The following GRIP1 variants were observed in gnomAD, a reference collection of about 807,000 sequenced individuals.
GRIP1 encodes the protein glutamate receptor interacting protein 1.
In GRIP1, 45 loss-of-function variants were observed where a neutral mutation model predicts 129.9. The ratio of observed to expected loss-of-function variants is 0.35; its 90% CI spans 0.27 to 0.44. GRIP1 has a LOEUF of 0.44. GRIP1 is among the 20% of genes least tolerant of loss of function. The pLI is 1.00. For missense variants in GRIP1, 1,196 were observed against 1,396.8 expected, an observed-to-expected ratio of 0.86 and a Z score of 2.29; for synonymous variants, 530 against 520.8, an observed-to-expected ratio of 1.02 and a Z score of -0.24.
chr12:66,507,834 G>A (rs964191347), intron 7 of GRIP1, among the ~76,000 whole-genome samples: 2 of 151,970 alleles, frequency 1.3e-5, no homozygotes, highest in African/African-American at 4.8e-5. Context: ...GCAGTGGTGT[G>A]ATCATAATTC....
intron 1 of GRIP1, among the ~76,000 whole-genome samples, chr12:67,067,540 G>C (rs998047294): frequency 6.6e-6 from 1 of 152,082 alleles, no homozygotes; most frequent in African/African-American, 2.4e-5. Flanking sequence ...CTAAAGCAGG[G>C]GTGCCTTTTG....
At chr12:66,691,245 C>T (rs1178906264) in intron 1 of GRIP1, among the ~76,000 whole-genome samples, 1 of 152,132 alleles carries the variant, frequency 6.6e-6, no homozygotes, top group Non-Finnish European at 1.5e-5. Context: ...AGGAATGTGC[C>T]TTCAGTCATT....
chr12:66,430,874 T>C (rs565898593), intron 14 of GRIP1, among the ~76,000 whole-genome samples: 1 of 152,250 alleles, frequency 6.6e-6, no homozygotes, highest in South Asian at 2.1e-4. Flanking sequence ...GGACAGGGTG[T>C]ATATTCTTAA....
chr12:66,707,629 G>C (rs1402062696), intron 1 of GRIP1, among the ~76,000 whole-genome samples: 1 of 150,976 alleles, frequency 6.6e-6, no homozygotes, highest in South Asian at 2.1e-4. Flanking sequence ...AAGATTTTTT[G>C]CAAGTGGGGG....
chr12:66,994,700 G>A (rs190662238), intron 1 of GRIP1, among the ~76,000 whole-genome samples: 4 of 152,030 alleles, frequency 2.6e-5, no homozygotes, highest in Admixed American at 6.5e-5. Flanking sequence ...AATGAACAAA[G>A]ATCTAAAAAA....
At position 66,444,573 on chromosome 12, in the gene GRIP1, T is replaced by C; in HGVS notation, c.1687+11A>G. The C allele has an allele frequency of 5.0e-6, 8 of 1,610,840 alleles. No homozygotes were observed. The highest frequency in any genetic ancestry group is 6.8e-6 in the Non-Finnish European group (8 of 1,177,436). ...CACATGCAGTCCACTCCTGAGATGA[T>C]ATGATTATACCTGCAACATCAAACT... On this transcript the variant is annotated intron_variant, in intron 13 of 24. Coordinates refer to ENST00000359742, the MANE Select transcript of GRIP1 (RefSeq NM_001366722.1).
In GRIP1 at chr12:66,371,753, T is replaced by C. The variant is rs200880676; in HGVS notation, c.2953A>G (p.Arg985Gly). The change falls in exon 23 of 25, where the codon AGA becomes GGA. Residue 985 changes from arginine to glycine, a missense_variant. Arg to Gly is a moderately radical substitution (Grantham distance 125, BLOSUM62 -2). This residue lies in a region of GRIP1 where 427 missense variants were observed against 463.3 expected (regional missense o/e 0.92). Transcript: ENST00000359742. ...TCCTTTATTTCTTGTTTCATTTTTC[T>C]CAGGGTTACTGACTTCCTACCCACA... The part of the protein sequence containing the change: ...SDVGRKSVTL[R>G]KMKQEIKEIM... 3.1e-6 allele frequency: 5 copies of C among 1,614,170 alleles called. No individual in the cohort carries two copies. The highest frequency in any genetic ancestry group is 3.4e-6 in the Non-Finnish European group (4 of 1,179,990).
At chr12:66,875,455 T>C (rs1437870834) in intron 1 of GRIP1, among the ~76,000 whole-genome samples, 1 of 152,124 alleles carries the variant, frequency 6.6e-6, no homozygotes, top group Non-Finnish European at 1.5e-5. Context: ...CCCATCTTCA[T>C]GCAAGTTCCT....
intron 1 of GRIP1, among the ~76,000 whole-genome samples, chr12:66,988,625 T>A (rs927274999): frequency 6.6e-6 from 1 of 152,100 alleles, no homozygotes; most frequent in Non-Finnish European, 1.5e-5. Context: ...GTGATCCCCG[T>A]CTCGGCCTCC....
At chr12:66,460,865 C>T (rs2059116596) in intron 9 of GRIP1, among the ~76,000 whole-genome samples, 1 of 152,098 alleles carries the variant, frequency 6.6e-6, no homozygotes, top group Non-Finnish European at 1.5e-5. Flanking sequence ...TGTTTTTCTT[C>T]TTTACTATGA....
chr12:66,581,820 A>G (rs1409748430), intron 2 of GRIP1, among the ~76,000 whole-genome samples: 1 of 152,216 alleles, frequency 6.6e-6, no homozygotes, highest in Non-Finnish European at 1.5e-5. Flanking sequence ...GAATTCTACC[A>G]GAGGTACAAG....
At chr12:66,928,616 T>C (rs1180395692) in intron 1 of GRIP1, among the ~76,000 whole-genome samples, 1 of 152,208 alleles carries the variant, frequency 6.6e-6, no homozygotes, top group Non-Finnish European at 1.5e-5. Context: ...AAAAAATACC[T>C]TACAGATTGT....
chr12:66,476,571 C>CA (rs933654767), intron 7 of GRIP1, among the ~76,000 whole-genome samples: 24 of 151,930 alleles, frequency 1.6e-4, no homozygotes, highest in African/African-American at 5.6e-4. Flanking sequence ...AGAGACACAA[C>CA]AAAAAAAGAG....
At chr12:66,685,122 A>G (rs77248650) in intron 1 of GRIP1, among the ~76,000 whole-genome samples, 126 of 152,236 alleles carry the variant, frequency 8.3e-4, no homozygotes, top group African/African-American at 2.6e-3. Context: ...TACTGTGCAC[A>G]GGAGTTTTCT....
intron 14 of GRIP1, among the ~76,000 whole-genome samples, chr12:66,421,905 C>CA (rs199920526): frequency 3.4e-4 from 52 of 150,890 alleles, no homozygotes; most frequent in African/African-American, 6.8e-4. Flanking sequence ...CATATAAATA[C>CA]AAAAAAAAAT....
chr12:66,420,911 A>T, intron 14 of GRIP1, 122 bp from the exon 15 acceptor site: 1 of 691,000 alleles, frequency 1.4e-6, no homozygotes, highest in Admixed American at 2.2e-5. Flanking sequence ...AAAGATGGTC[A>T]GCAAATGAAT....
intron 1 of GRIP1, among the ~76,000 whole-genome samples, chr12:66,617,320 T>G (rs1211950038): frequency 6.7e-6 from 1 of 150,178 alleles, no homozygotes; most frequent in African/African-American, 2.5e-5. Flanking sequence ...TGCTTGCAAG[T>G]TACTGCAATG....
At chr12:66,567,259 T>C (rs1339130145) in intron 2 of GRIP1, among the ~76,000 whole-genome samples, 3 of 152,234 alleles carry the variant, frequency 2.0e-5, no homozygotes, top group Admixed American at 2.0e-4. Flanking sequence ...CTTGTGGGCA[T>C]TTAACGCTAT....
intron 1 of GRIP1, among the ~76,000 whole-genome samples, chr12:66,824,694 C>A (rs942550549): frequency 6.6e-6 from 1 of 152,052 alleles, no homozygotes; most frequent in Non-Finnish European, 1.5e-5. Context: ...CAAGAAAAGG[C>A]CACTCGAAGT....
Sources: gnomAD v4.1 joint callset for allele counts (sites outside exome capture counted in the v4.1 genomes callset) on GRCh38, gnomAD v4.1.1 for gene constraint, gnomAD v4.1.1 regional missense constraint, MANE v1.5 for transcripts, NCBI Gene and HGNC (gene_info 2026-07-23, HGNC 2026-07-21) for gene names.